The following OTUD4 variants were observed in gnomAD, a reference collection of about 807,000 sequenced individuals.
OTUD4 encodes the protein OTU domain-containing protein 4.
OTUD4 carries 24 observed loss-of-function variants against 130.4 expected under a neutral mutation model. The ratio of observed to expected loss-of-function variants is 0.18; its 90% CI spans 0.13 to 0.26. The LOEUF (loss-of-function observed/expected upper bound fraction) is 0.26, where lower values mean the gene tolerates loss of function less well. Among genes scored for constraint, OTUD4 ranks in the 10% least tolerant of loss-of-function variants. The pLI is 1.00. For missense variants in OTUD4, 1,031 were observed against 1,329.4 expected, an observed-to-expected ratio of 0.78 and a Z score of 3.49; for synonymous variants, 420 against 472.5, an observed-to-expected ratio of 0.89 and a Z score of 1.44.
chr4:145,174,006 A>ATTT (rs35026013), intron 2 of OTUD4, among the ~76,000 whole-genome samples: 23 of 136,514 alleles, frequency 1.7e-4, no homozygotes, highest in African/African-American at 6.1e-4. Context: ...GCAAGTCTGA[A>ATTT]TTTTTTTTTT....
intron 10 of OTUD4, among the ~76,000 whole-genome samples, chr4:145,153,108 C>T (rs572295366): frequency 6.6e-6 from 1 of 152,198 alleles, no homozygotes; most frequent in African/African-American, 2.4e-5. Context: ...AATAGGTCTA[C>T]AATCAAATCC....
At chr4:145,144,198 C>T in intron 15 of OTUD4, 113 bp downstream of exon 15, 1 of 1,201,772 alleles carries the variant, frequency 8.3e-7, no homozygotes, top group Non-Finnish European at 1.2e-6. Flanking sequence ...AAATATGTGA[C>T]ATTAGATAAA....
chr4:145,174,016 T>C (rs1003161447), intron 2 of OTUD4, among the ~76,000 whole-genome samples: 3 of 151,452 alleles, frequency 2.0e-5, no homozygotes, highest in African/African-American at 7.3e-5. Flanking sequence ...ATTTTTTTTT[T>C]TTTTTTTTTG....
chr4:145,172,454 G>A lies in OTUD4; in HGVS notation c.244-734C>T, dbSNP rs112735515. Among the ~76,000 whole-genome samples, 1,062 of 152,230 alleles carry A rather than the reference G, an allele frequency of 7.0e-3. 17 individuals carry two copies. Among genetic ancestry groups the A allele is most frequent in the African/African-American group, 0.024 (1,016 of 41,530 alleles). On this transcript the variant is annotated intron_variant, in intron 2 of 20. Transcript: ENST00000447906. ...TTTTTCTAATACAGCTTGCTTCATCGCTTCATTGTTACTTTGACATAAAAA... is the reference window on the plus strand; with the variant it reads ...TTTTTCTAATACAGCTTGCTTCATCACTTCATTGTTACTTTGACATAAAAA...
intron 7 of OTUD4, 114 bp from the exon 8 acceptor site, chr4:145,156,110 T>C: frequency 1.4e-6 from 1 of 724,970 alleles, no homozygotes; most frequent in Non-Finnish European, 2.3e-6. Flanking sequence ...AGAGCTATAT[T>C]CCAGTGAGCT....
chr4:145,146,240 A>C (rs745758582), intron 14 of OTUD4, 27 bp downstream of exon 14: 3 of 1,424,074 alleles, frequency 2.1e-6, no homozygotes, highest in Non-Finnish European at 2.8e-6. Flanking sequence ...CTGTATAATG[A>C]CTTTTAAACT....
intron 6 of OTUD4, among the ~76,000 whole-genome samples, chr4:145,161,866 T>A (rs1751587123): frequency 6.6e-6 from 1 of 152,210 alleles, no homozygotes; most frequent in South Asian, 2.1e-4. Flanking sequence ...GTTTTTAAAA[T>A]GCATATAAAT....
chr4:145,147,858 T>TA (rs1452167087), intron 13 of OTUD4, among the ~76,000 whole-genome samples: 1 of 152,246 alleles, frequency 6.6e-6, no homozygotes, highest in African/African-American at 2.4e-5. Context: ...GTACTGGGCT[T>TA]AAATCAATTA....
chr4:145,135,082 T>TA lies in OTUD4; in HGVS notation c.*2347_*2348insT. On this transcript the variant is annotated 3_prime_UTR_variant, in exon 21 of 21. Coordinates refer to ENST00000447906, the MANE Select transcript of OTUD4 (RefSeq NM_001366057.1). Reference sequence around the variant, plus strand: ...TGGACTAATACATTTAAAAACAAACTTAAAGGAAAAAAAGCGAAACCAACC... The same window carrying TA: ...TGGACTAATACATTTAAAAACAAACTATAAAGGAAAAAAAGCGAAACCAACC... 2 of 378,534 alleles carry TA rather than the reference T, an allele frequency of 5.3e-6. No individual in the cohort carries two copies. Among genetic ancestry groups the TA allele is most frequent in the East Asian group, 7.8e-5 (2 of 25,636 alleles). 23.4% of individuals were successfully genotyped at this position (378,534 alleles called of 1,614,324 possible).
At position 145,138,261 on chromosome 4, in the gene OTUD4, G is replaced by C. The variant is rs200759021; in HGVS notation, c.2514C>G (p.Pro838=). The change falls in exon 21 of 21, where the codon CCC becomes CCG. Residue 838 remains proline, a synonymous_variant. Transcript: ENST00000447906. ...EESLSGKNMF[P]QPSFGPNPFL... ...ATGGATTGGGTCCAAAAGATGGCTGGGGGAACATATTCTTGCCACTTAGTG... is the reference window on the plus strand; with the variant it reads ...ATGGATTGGGTCCAAAAGATGGCTGCGGGAACATATTCTTGCCACTTAGTG... 3.1e-6 allele frequency: 5 copies of C among 1,613,862 alleles called. No homozygotes were observed. Among genetic ancestry groups the C allele is most frequent in the Non-Finnish European group, 4.2e-6 (5 of 1,179,880 alleles).
At position 145,144,376 on chromosome 4, in the gene OTUD4, G is replaced by A. The variant is rs777579630; in HGVS notation, c.1481C>T (p.Ser494Leu). The change falls in exon 15 of 21, where the codon TCA becomes TTA. Residue 494 changes from serine (S) to leucine (L), a missense_variant. By Grantham distance (145) the Ser-to-Leu change is moderately radical (BLOSUM62 -2). Around this residue, in one of 3 missense-constraint regions of OTUD4, gnomAD observed 900 missense variants for 1,095.9 expected, o/e 0.82. Coordinates refer to ENST00000447906, the MANE Select transcript of OTUD4 (RefSeq NM_001366057.1). Reference sequence around the variant, plus strand: ...TCCTTTTCTATCACCTACATGTGATGATTTTCTCTGGACACATGGATTGCT... The same window carrying A: ...TCCTTTTCTATCACCTACATGTGATAATTTTCTCTGGACACATGGATTGCT... ...QSSNPCVQRK[S>L]SHVGDRKGSR... The A allele has an allele frequency of 2.5e-6, 4 of 1,612,016 alleles. No homozygotes were observed. The Admixed American group carries it at 6.7e-5, about 27-fold the overall frequency.
At position 145,134,829 on chromosome 4, in the gene OTUD4, A is replaced by G. The variant is rs1394944894; in HGVS notation, c.*2601T>C. ...CAAGTTCAGCCAAAGCACCTAACAC[A>G]AAAAACAGGTGAGCTTTGGTCAGTC... is the stretch of plus-strand genomic sequence containing the variant. On this transcript the variant is annotated 3_prime_UTR_variant, in exon 21 of 21. Coordinates refer to ENST00000447906, the MANE Select transcript of OTUD4 (RefSeq NM_001366057.1). The G allele has an allele frequency of 2.5e-6, 1 of 398,904 alleles. No individual in the cohort carries two copies. Among genetic ancestry groups the G allele is most frequent in the African/African-American group, 2.1e-5 (1 of 48,638 alleles). 24.7% of individuals were successfully genotyped at this position (398,904 alleles called of 1,614,324 possible). A position where few individuals can be genotyped will look rare whatever the true frequency, so the allele number is the denominator to read the frequency against.
intron 3 of OTUD4, among the ~76,000 whole-genome samples, chr4:145,169,928 A>G (rs1235289753): frequency 6.6e-6 from 1 of 152,260 alleles, no homozygotes; most frequent in Admixed American, 6.5e-5. Flanking sequence ...CTCTGTGTTC[A>G]TGGAGCTTAA....
intron 1 of OTUD4, chr4:145,178,099 C>T (rs369497273): frequency 1.3e-5 from 2 of 152,250 alleles, no homozygotes; most frequent in South Asian, 2.1e-4. Flanking sequence ...AACCTAAACC[C>T]CATTACAAAA....
chr4:145,172,926 G>A (rs1434386166), intron 2 of OTUD4, among the ~76,000 whole-genome samples: 3 of 152,236 alleles, frequency 2.0e-5, no homozygotes, highest in South Asian at 4.2e-4. Context: ...TCTCCTTTCT[G>A]AGCAGAAAGC....
At chr4:145,141,672 A>G (rs374591680) in intron 18 of OTUD4, 33 bp from the exon 19 acceptor site, 3 of 1,501,668 alleles carry the variant, frequency 2.0e-6, no homozygotes, top group African/African-American at 2.8e-5. Flanking sequence ...TCAAAATGAC[A>G]AAAGATGAAA....
chr4:145,158,464 A>G (rs1751397277), intron 7 of OTUD4, among the ~76,000 whole-genome samples: 1 of 152,040 alleles, frequency 6.6e-6, no homozygotes, highest in South Asian at 2.1e-4. Flanking sequence ...CCTGAGCAAC[A>G]GTGCAAGACT....
rs755595222 is a variant in OTUD4, at chr4:145,150,582, G to A, written c.1190C>T (p.Ser397Leu). ...GGAGAATTTCTGAGACTGTGACCCT[G>A]AAGAATGACTAGAGAACGCATGTTG... ...VRQHAFSSHS[S>L]GSQSQKFSSE... Residue 397 changes from serine (S) to leucine (L), a missense_variant, in exon 13 of 21, where the codon TCA (serine) becomes TTA (leucine). By Grantham distance (145) the Ser-to-Leu change is moderately radical. This residue lies in a region of OTUD4 where 900 missense variants were observed against 1,095.9 expected (regional missense o/e 0.82). Transcript: ENST00000447906. The A allele has an allele frequency of 1.2e-6, 2 of 1,613,108 alleles. No individual in the cohort carries two copies. The highest frequency in any genetic ancestry group is 1.7e-5 in the Admixed American group (1 of 60,008).
chr4:145,169,565 A>G (rs1382341952), intron 3 of OTUD4, among the ~76,000 whole-genome samples: 1 of 152,110 alleles, frequency 6.6e-6, no homozygotes, highest in African/African-American at 2.4e-5. Flanking sequence ...GCTCACTGCA[A>G]CCTCTGCATC....
Sources: allele counts gnomAD v4.1 joint callset (sites outside exome capture counted in the v4.1 genomes callset), GRCh38; gene constraint gnomAD v4.1.1; regional missense constraint gnomAD v4.1.1; transcripts MANE v1.5; gene names NCBI Gene and HGNC (gene_info 2026-07-23, HGNC 2026-07-21).